The following SYT4 variants were observed in gnomAD, a reference collection of about 807,000 sequenced individuals.
SYT4 encodes the protein synaptotagmin 4.
A neutral mutation model predicts 32.9 loss-of-function variants in SYT4; 7 were observed. The observed-to-expected ratio is 0.21, with a 90% CI of 0.12 to 0.40. SYT4 has a LOEUF of 0.40. SYT4 is among the 10% of genes least tolerant of loss of function. The pLI, the probability that SYT4 is intolerant of heterozygous loss-of-function variation, is 1.00. For synonymous variants in SYT4, 205 were observed against 186.2 expected (o/e 1.10, Z -0.82); for missense variants, 480 against 488.0 (o/e 0.98, Z 0.16).
Position 43,277,369 on chromosome 18 carries a change from G to T in SYT4, c.-88C>A. The T allele has an allele frequency of 6.4e-7, 1 of 1,560,226 alleles. No homozygotes were observed. The highest frequency in any genetic ancestry group is 8.8e-7 in the Non-Finnish European group (1 of 1,132,418). On this transcript the variant is annotated 5_prime_UTR_variant, in exon 1 of 4. Coordinates refer to ENST00000255224, the MANE Select transcript of SYT4 (RefSeq NM_020783.4). ...TGGATCTCAAGCGCCGGCTTTCGGA[G>T]CGCTGAAAACAACAGCGCAGAGCCC... is the stretch of plus-strand genomic sequence containing the variant.
In SYT4 at chr18:43,273,911, T is replaced by A; in HGVS notation, c.518A>T (p.Asn173Ile). The A allele has an allele frequency of 6.2e-7, 1 of 1,614,054 alleles. No individual in the cohort carries two copies. The highest frequency in any genetic ancestry group is 8.5e-7 in the Non-Finnish European group (1 of 1,179,944). Reference sequence around the variant, plus strand: ...TGGCAAGCCACGGGCTTCCTTGATATTGACCACAAATGCTTTTCTCTCGAA... The same window carrying A: ...TGGCAAGCCACGGGCTTCCTTGATAATGACCACAAATGCTTTTCTCTCGAA... ...YNFERKAFVVNIKEARGLPAM... is the reference protein window; with the variant it reads ...YNFERKAFVVIIKEARGLPAM... The change falls in exon 2 of 4, where the codon AAT (asparagine) becomes ATT (isoleucine). Residue 173 changes from asparagine to isoleucine, a missense_variant. By Grantham distance (149) the Asn-to-Ile change is moderately radical. Transcript: ENST00000255224.
Position 43,270,568 on chromosome 18 carries a change from T to C in SYT4, c.1051A>G (p.Asn351Asp). 1 of 1,614,022 alleles carries C rather than the reference T, an allele frequency of 6.2e-7. No individual in the cohort carries two copies. The highest frequency in any genetic ancestry group is 1.7e-5 in the Admixed American group (1 of 59,994). The change falls in exon 4 of 4, where the codon AAT becomes GAT. Residue 351 changes from asparagine to aspartate, a missense_variant. Coordinates refer to ENST00000255224, the MANE Select transcript of SYT4 (RefSeq NM_020783.4). ...ACAAACAGCTCATTGAACACTGCAT[T>C]GGGGGTGCATTTCTTCACATGAGTC... ...KKTHVKKCTP[N>D]AVFNELFVFD...
chr18:43,276,524 T>C (rs1908798519), intron 1 of SYT4, among the ~76,000 whole-genome samples: 1 of 152,138 alleles, frequency 6.6e-6, no homozygotes. Flanking sequence ...ACCAAAAACT[T>C]GGTGTGAGAA....
intron 2 of SYT4, 154 bp from the exon 3 acceptor site, chr18:43,271,986 G>C: frequency 1.3e-6 from 1 of 784,280 alleles, no homozygotes; most frequent in Non-Finnish European, 1.8e-6. Context: ...AAAAGCTTTT[G>C]AGCAGTACCA....
Position 43,270,352 on chromosome 18 carries a change from A to G in SYT4, c.1267T>C (p.Cys423Arg). Residue 423 changes from cysteine to arginine, a missense_variant, in exon 4 of 4, where the codon TGT becomes CGT. By Grantham distance (180) the Cys-to-Arg change is radical (BLOSUM62 -3). Transcript: ENST00000255224. ...RRQIAKWHVL[C>R]DG The stretch of plus-strand genomic sequence containing the variant: ...TCACGGCTAGGATGCTAACCATCAC[A>G]GAGCACGTGCCACTTGGCAATTTGT... 1.2e-6 allele frequency: 2 copies of G among 1,613,900 alleles called. No homozygotes were observed. Among genetic ancestry groups the G allele is most frequent in the Non-Finnish European group, 1.7e-6 (2 of 1,179,828 alleles).
intron 3 of SYT4, among the ~76,000 whole-genome samples, chr18:43,271,365 T>A (rs1170805889): frequency 2.6e-5 from 4 of 152,152 alleles, no homozygotes; most frequent in Admixed American, 6.6e-5. Context: ...TGAAGAAGTA[T>A]GTATTTCTAG....
rs1908551221 is a variant in SYT4 at position 43,269,229 on chromosome 18, A to G, written c.*1112T>C. 1.3e-5 allele frequency: 2 copies of G among 152,196 alleles called. No homozygotes were observed. The highest frequency in any genetic ancestry group is 1.5e-5 in the Non-Finnish European group (1 of 68,032). The allele number at this position is 152,196 out of a possible 1,614,324, so 9.4% of individuals were successfully genotyped here. ...GTTGTGCTAATTTGACAGCCTAAGC[A>G]TATTTTGCGTGAACATATGTAAATT... is the stretch of plus-strand genomic sequence containing the variant. On this transcript the variant is annotated 3_prime_UTR_variant, in exon 4 of 4. Coordinates refer to ENST00000255224, the MANE Select transcript of SYT4 (RefSeq NM_020783.4).
At chr18:43,276,275 T>C (rs1222340701) in intron 1 of SYT4, among the ~76,000 whole-genome samples, 2 of 152,202 alleles carry the variant, frequency 1.3e-5, no homozygotes, top group Non-Finnish European at 2.9e-5. Context: ...CTACTCCCTA[T>C]GTATTCTCTA....
intron 1 of SYT4, among the ~76,000 whole-genome samples, chr18:43,275,239 TAATC>T (rs1026131504): frequency 2.6e-5 from 4 of 152,160 alleles, no homozygotes; most frequent in African/African-American, 9.6e-5. Context: ...TGGCAAATGA[TAATC>T]AAACTGAAAT....
intron 1 of SYT4, among the ~76,000 whole-genome samples, chr18:43,274,949 G>T (rs1320698462): frequency 6.6e-6 from 1 of 151,880 alleles, no homozygotes; most frequent in East Asian, 1.9e-4. Flanking sequence ...ATGGAACAGT[G>T]GTAAAAGAAA....
chr18:43,268,975 A>G lies in SYT4; in HGVS notation c.*1366T>C, dbSNP rs1025970740. ...TCTAACTTGCATATTTAATAATTCA[A>G]CTGTACTCAAGTTCCACTCATACTT... is the stretch of plus-strand genomic sequence containing the variant. On this transcript the variant is annotated 3_prime_UTR_variant, in exon 4 of 4. Coordinates refer to ENST00000255224, the MANE Select transcript of SYT4 (RefSeq NM_020783.4). 2.0e-5 allele frequency: 3 copies of G among 152,468 alleles called. No individual in the cohort carries two copies. Among genetic ancestry groups the G allele is most frequent in the African/African-American group, 7.2e-5 (3 of 41,462 alleles). 9.4% of individuals were successfully genotyped at this position (152,468 alleles called of 1,614,324 possible). A position where few individuals can be genotyped will look rare whatever the true frequency, so the allele number is the denominator to read the frequency against.
intron 1 of SYT4, among the ~76,000 whole-genome samples, chr18:43,276,798 T>C (rs1908807529): frequency 6.6e-6 from 1 of 152,134 alleles, no homozygotes; most frequent in South Asian, 2.1e-4. Flanking sequence ...TAATAAAATA[T>C]ACATTGCCAA....
rs1908589640 is a variant in SYT4 at position 43,270,353 on chromosome 18, G to T, written c.1266C>A (p.Leu422=). Residue 422 remains leucine, a synonymous_variant, in exon 4 of 4, where the codon CTC becomes CTA. Transcript: ENST00000255224. ...CACGGCTAGGATGCTAACCATCACA[G>T]AGCACGTGCCACTTGGCAATTTGTC... is the stretch of plus-strand genomic sequence containing the variant. ...PRRQIAKWHV[L]CDG 6.2e-7 allele frequency: 1 copy of T among 1,613,848 alleles called. No homozygotes were observed. Among genetic ancestry groups the T allele is most frequent in the African/African-American group, 1.3e-5 (1 of 75,012 alleles).
In SYT4 at chr18:43,273,478, G is replaced by T. The variant is rs898033271; in HGVS notation, c.849+102C>A. 7.5e-5 allele frequency: 52 copies of T among 697,958 alleles called. No individual in the cohort carries two copies. In the East Asian group the frequency reaches 1.3e-3, roughly 18 times the overall value. 43.2% of individuals were successfully genotyped at this position (697,958 alleles called of 1,614,324 possible). On this transcript the variant is annotated intron_variant, in intron 2 of 3. Coordinates refer to ENST00000255224, the MANE Select transcript of SYT4 (RefSeq NM_020783.4). ...ATTAATAATAATTAAACATGGTAAG[G>T]ATGATATGTACAAGCTTATCATATT...
intron 1 of SYT4, among the ~76,000 whole-genome samples, chr18:43,275,300 G>A (rs368109584): frequency 1.4e-4 from 22 of 152,192 alleles, no homozygotes; most frequent in South Asian, 8.3e-4. Context: ...CTGACATTAG[G>A]TAATATCAAT....
chr18:43,272,012 C>A (rs945588975), intron 2 of SYT4, 180 bp from the exon 3 acceptor site: 5 of 505,038 alleles, frequency 9.9e-6, no homozygotes, highest in Middle Eastern at 6.5e-4. Flanking sequence ...GCTTGAAAAA[C>A]CACTGCCTGC....
chr18:43,273,460 ATAAT>A, intron 2 of SYT4, 116 bp downstream of exon 2: 1 of 639,326 alleles, frequency 1.6e-6, no homozygotes, highest in Admixed American at 3.1e-5. Context: ...ATAATTAATA[ATAAT>A]TAAACATGGT....
rs571789597 is a variant in SYT4 at position 43,269,021 on chromosome 18, T to C, written c.*1320A>G. On this transcript the variant is annotated 3_prime_UTR_variant, in exon 4 of 4. Transcript: ENST00000255224. Reference sequence around the variant, plus strand: ...TACTTCTCTAAGAACTCAAATATAGTGACATTACTCTCAAGCTAATTCTTT... The same window carrying C: ...TACTTCTCTAAGAACTCAAATATAGCGACATTACTCTCAAGCTAATTCTTT... The C allele has an allele frequency of 6.6e-6, 1 of 152,412 alleles. No homozygotes were observed. The highest frequency in any genetic ancestry group is 6.5e-5 in the Admixed American group (1 of 15,300). The allele number at this position is 152,412 out of a possible 1,614,324, so 9.4% of individuals were successfully genotyped here.
At position 43,273,632 on chromosome 18, in the gene SYT4, A is replaced by G. The variant is rs762381648; in HGVS notation, c.797T>C (p.Leu266Ser). The G allele has an allele frequency of 6.2e-7, 1 of 1,613,574 alleles. No individual in the cohort carries two copies. The highest frequency in any genetic ancestry group is 8.5e-7 in the Non-Finnish European group (1 of 1,179,712). The part of the protein sequence containing the change: ...EVLIPLSGIE[L>S]SEGKMLMNRE... ...ATTCATTAACATTTTTCCTTCAGAT[A>G]ATTCAATTCCCGAGAGAGGAATTAG... is the stretch of plus-strand genomic sequence containing the variant. Residue 266 changes from leucine to serine, a missense_variant, in exon 2 of 4, where the codon TTA (leucine) becomes TCA (serine). Physicochemically the swap from Leu to Ser is moderately radical, Grantham distance 145 (BLOSUM62 -2). Coordinates refer to ENST00000255224, the MANE Select transcript of SYT4 (RefSeq NM_020783.4).
Sources: gnomAD v4.1 joint callset for allele counts (sites outside exome capture counted in the v4.1 genomes callset) on GRCh38, gnomAD v4.1.1 for gene constraint, MANE v1.5 for transcripts, NCBI Gene and HGNC (gene_info 2026-07-23, HGNC 2026-07-21) for gene names.